The following SNTG2 variants were observed in gnomAD, a reference collection of about 807,000 sequenced individuals.
SNTG2 encodes the protein syntrophin gamma 2.
In SNTG2, 74 loss-of-function variants were observed where a neutral mutation model predicts 70.9. The ratio of observed to expected loss-of-function variants is 1.04; its 90% CI spans 0.86 to 1.27. SNTG2 has a LOEUF of 1.27. SNTG2 is among the 50% of genes most tolerant of loss of function. SNTG2 has a pLI of 0.00. For synonymous variants in SNTG2, 278 were observed against 273.8 expected (o/e 1.02, Z -0.15); for missense variants, 717 against 690.7 (o/e 1.04, Z -0.43).
At chr2:1,088,402 G>C (rs568442531) in intron 2 of SNTG2, among the ~76,000 whole-genome samples, 1 of 152,070 alleles carries the variant, frequency 6.6e-6, no homozygotes, top group Non-Finnish European at 1.5e-5. Flanking sequence ...TTCTTGGTTG[G>C]GTCCCACTCC....
At chr2:1,248,070 C>T (rs1219423398) in intron 12 of SNTG2, among the ~76,000 whole-genome samples, 1 of 152,106 alleles carries the variant, frequency 6.6e-6, no homozygotes, top group Non-Finnish European at 1.5e-5. Context: ...AACCTGAGAG[C>T]TTCAGGTACC....
intron 1 of SNTG2, among the ~76,000 whole-genome samples, chr2:1,021,835 C>G (rs1298864403): frequency 6.6e-6 from 1 of 151,406 alleles, no homozygotes; most frequent in Non-Finnish European, 1.5e-5. Flanking sequence ...TCAGGCTGGT[C>G]TGAAACTCCT....
intron 1 of SNTG2, among the ~76,000 whole-genome samples, chr2:971,994 T>C (rs1660760894): frequency 6.6e-6 from 1 of 152,192 alleles, no homozygotes; most frequent in South Asian, 2.1e-4. Flanking sequence ...TTTCTATTTT[T>C]ATTGTGGTCA....
intron 9 of SNTG2, among the ~76,000 whole-genome samples, chr2:1,224,234 C>G (rs1330327937): frequency 6.6e-6 from 1 of 152,196 alleles, no homozygotes. Flanking sequence ...CACGTTCAAT[C>G]CACTGGGAAT....
At chr2:1,195,384 A>T (rs894751489) in intron 8 of SNTG2, among the ~76,000 whole-genome samples, 1 of 152,146 alleles carries the variant, frequency 6.6e-6, no homozygotes, top group Non-Finnish European at 1.5e-5. Context: ...CCTCTCCAGC[A>T]TCTGTTGTTT....
intron 4 of SNTG2, among the ~76,000 whole-genome samples, chr2:1,100,902 T>A (rs1665744422): frequency 6.6e-6 from 1 of 152,086 alleles, no homozygotes; most frequent in Non-Finnish European, 1.5e-5. Flanking sequence ...GAGAAACAGC[T>A]CAAGAAGGCT....
At chr2:996,696 T>TTTTTTTTTTTTTTTTTTTTTTC (rs1661697823) in intron 1 of SNTG2, among the ~76,000 whole-genome samples, 1 of 137,972 alleles carries the variant, frequency 7.2e-6, no homozygotes, top group Non-Finnish European at 1.6e-5. Flanking sequence ...TTTTTTTTTT[T>TTTTTTTTTTTTTTTTTTTTTTC]TTTTTTTTAC....
chr2:1,157,207 C>A (rs1669956836), intron 6 of SNTG2, among the ~76,000 whole-genome samples: 1 of 152,196 alleles, frequency 6.6e-6, no homozygotes, highest in Non-Finnish European at 1.5e-5. Context: ...AGAGTGGCCA[C>A]CAGTGCTGAT....
chr2:974,681 T>G (rs758972452), intron 1 of SNTG2, among the ~76,000 whole-genome samples: 5 of 152,230 alleles, frequency 3.3e-5, no homozygotes, highest in Non-Finnish European at 4.4e-5. Context: ...GCTTGTTTTT[T>G]GGCAGCATTT....
Position 956,249 on chromosome 2 carries a change from GC to G in SNTG2, c.72+5185del, listed in dbSNP as rs1465511447. 7.9e-3 allele frequency among the ~76,000 whole-genome samples: 450 copies of G among 56,854 alleles called. 12 individuals are homozygous for G. Among genetic ancestry groups the G allele is most frequent in the African/African-American group, 0.032 (424 of 13,300 alleles). The allele number at this position is 56,854 out of a possible 152,430, so 37.3% of individuals were successfully genotyped here. A position where few individuals can be genotyped will look rare whatever the true frequency, so the allele number is the denominator to read the frequency against. The stretch of plus-strand genomic sequence containing the variant: ...CCCTGCCCCACCCCTGCCCCGCCCC[GC>G]CCCTGCGCCTCCCCCTGCCCTGCCC... On this transcript the variant is annotated intron_variant, in intron 1 of 16. Transcript: ENST00000308624.
chr2:1,088,008 C>T (rs1317076218), intron 2 of SNTG2, among the ~76,000 whole-genome samples: 1 of 152,204 alleles, frequency 6.6e-6, no homozygotes, highest in Non-Finnish European at 1.5e-5. Flanking sequence ...ATATTTCACA[C>T]CCAAGTTGCT....
rs554840691 is a variant in SNTG2, at chr2:1,071,143, A to T, written c.73-12375A>T. On this transcript the variant is annotated intron_variant, in intron 1 of 16. Coordinates refer to ENST00000308624, the MANE Select transcript of SNTG2 (RefSeq NM_018968.4). ...TCACTTCTACCTTAAAAACTAGAGA[A>T]GATCTGGGTATATACCCAAATGACT... Among the ~76,000 whole-genome samples, 3 of 152,302 alleles carry T rather than the reference A, an allele frequency of 2.0e-5. No homozygotes were observed. In the South Asian group the frequency reaches 6.2e-4, roughly 32 times the overall value.
chr2:959,507 C>T (rs760820671), intron 1 of SNTG2, among the ~76,000 whole-genome samples: 8 of 151,764 alleles, frequency 5.3e-5, no homozygotes, highest in African/African-American at 9.7e-5. Flanking sequence ...GGCCTGGAGT[C>T]GGGGGGAGGT....
chr2:1,366,283 G>A (rs1346536699), intron 16 of SNTG2, among the ~76,000 whole-genome samples: 2 of 152,166 alleles, frequency 1.3e-5, no homozygotes, highest in South Asian at 4.1e-4. Context: ...TAGAATGGGG[G>A]TGGCAGGACG....
At chr2:1,098,433 G>C (rs1254269670) in intron 4 of SNTG2, 23 bp downstream of exon 4, 6 of 1,610,000 alleles carry the variant, frequency 3.7e-6, no homozygotes. Context: ...AAAATGACCT[G>C]TGTATGCATC....
chr2:1,052,509 T>G (rs892125963), intron 1 of SNTG2, among the ~76,000 whole-genome samples: 1 of 152,238 alleles, frequency 6.6e-6, no homozygotes, highest in African/African-American at 2.4e-5. Context: ...TCTCACTTCT[T>G]CCAGAGAACT....
intron 8 of SNTG2, among the ~76,000 whole-genome samples, chr2:1,207,273 C>A (rs4444568): frequency 0.32 from 49,192 of 151,984 alleles, 8,476 homozygotes; most frequent in East Asian, 0.65. Context: ...AAAGGGTAAC[C>A]ATGAATGAAT....
At chr2:1,331,723 C>A (rs550853566) in intron 16 of SNTG2, among the ~76,000 whole-genome samples, 4 of 152,220 alleles carry the variant, frequency 2.6e-5, no homozygotes, top group Non-Finnish European at 5.9e-5. Context: ...CTACCTCAGC[C>A]TGGCATCTCT....
chr2:1,173,001 C>T, intron 7 of SNTG2, 91 bp from the exon 8 acceptor site: 1 of 1,189,044 alleles, frequency 8.4e-7, no homozygotes, highest in Non-Finnish European at 1.2e-6. Context: ...TGGTAACTTC[C>T]CATGCACAGG....
Sources: gnomAD v4.1 joint callset for allele counts (sites outside exome capture counted in the v4.1 genomes callset) on GRCh38, gnomAD v4.1.1 for gene constraint, MANE v1.5 for transcripts, NCBI Gene and HGNC (gene_info 2026-07-23, HGNC 2026-07-21) for gene names.